The following AP1B1 variants were observed in gnomAD, a reference collection of about 807,000 sequenced individuals.
The protein encoded by AP1B1 is adaptor related protein complex 1 subunit beta 1.
Under a neutral mutation model 104.3 loss-of-function variants are expected in AP1B1, and 36 were observed. That is an observed-to-expected ratio of 0.35 (90% confidence interval 0.26 to 0.46). AP1B1 has a LOEUF of 0.46. Among genes scored for constraint, AP1B1 ranks in the 20% least tolerant of loss-of-function variants. The pLI is 1.00. For missense variants in AP1B1, 901 were observed against 1,247.9 expected, an observed-to-expected ratio of 0.72 and a Z score of 4.19; for synonymous variants, 504 against 517.5, an observed-to-expected ratio of 0.97 and a Z score of 0.35.
chr22:29,370,207 C>T (rs1209588479), intron 1 of AP1B1, among the ~76,000 whole-genome samples: 1 of 151,672 alleles, frequency 6.6e-6, no homozygotes, highest in Non-Finnish European at 1.5e-5. Context: ...AATCCTAGCA[C>T]TTTGGGAGGC....
intron 1 of AP1B1, among the ~76,000 whole-genome samples, chr22:29,378,120 A>G (rs1479892552): frequency 2.6e-5 from 4 of 151,938 alleles, no homozygotes; most frequent in Non-Finnish European, 5.9e-5. Context: ...TCAGATGTTG[A>G]ATTACAGGTT....
chr22:29,361,850 A>G (rs1489100498), intron 3 of AP1B1, among the ~76,000 whole-genome samples: 1 of 151,600 alleles, frequency 6.6e-6, no homozygotes, highest in Non-Finnish European at 1.5e-5. Context: ...GCTGGAGTGC[A>G]GTGGCGTGAT....
chr22:29,345,224 C>A (rs1167395262), intron 11 of AP1B1, among the ~76,000 whole-genome samples: 10 of 141,660 alleles, frequency 7.1e-5, no homozygotes, highest in Admixed American at 1.4e-4. Context: ...ACACCCAGTT[C>A]ATTTTTTTTT....
At chr22:29,338,661 A>G (rs746484346) in intron 16 of AP1B1, among the ~76,000 whole-genome samples, 4 of 152,160 alleles carry the variant, frequency 2.6e-5, no homozygotes, top group Non-Finnish European at 5.9e-5. Flanking sequence ...ACTGAGAACT[A>G]CTGCTCCCAC....
intron 1 of AP1B1, among the ~76,000 whole-genome samples, chr22:29,387,845 C>T (rs1209914349): frequency 6.6e-6 from 1 of 152,196 alleles, no homozygotes; most frequent in Non-Finnish European, 1.5e-5. Context: ...AAGTGCTTAG[C>T]ACAGTGCCCG....
intron 7 of AP1B1, 138 bp from the exon 8 acceptor site, chr22:29,351,963 C>G (rs1443604206): frequency 5.1e-6 from 6 of 1,175,694 alleles, no homozygotes; most frequent in Non-Finnish European, 7.1e-6. Flanking sequence ...ACTGCCATGG[C>G]TGCAAGCTCC....
At position 29,340,790 on chromosome 22, in the gene AP1B1, T is replaced by C. The variant is rs1171915271; in HGVS notation, c.1864A>G (p.Ile622Val). The change falls in exon 14 of 23, where the codon ATC (isoleucine) becomes GTC (valine). Residue 622 changes from isoleucine (I) to valine (V), a missense_variant. Ile to Val is a conservative substitution (Grantham distance 29). Transcript: ENST00000357586. ...CCCAGCAGGTCGCCCTGGGCGGGGA[T>C]GACATCTGGCTGCTCCCCAGGAGGT... ...GAPPGEQPDV[I>V]PAQGDLLGDL... 1.2e-6 allele frequency: 2 copies of C among 1,600,906 alleles called. No homozygotes were observed. Among genetic ancestry groups the C allele is most frequent in the Admixed American group, 1.7e-5 (1 of 57,464 alleles).
chr22:29,355,231 T>C (rs2061937966), intron 6 of AP1B1, among the ~76,000 whole-genome samples: 1 of 151,098 alleles, frequency 6.6e-6, no homozygotes, highest in Non-Finnish European at 1.5e-5. Context: ...AGTGAGACCC[T>C]GTCTCGAAAA....
chr22:29,352,677 C>T (rs540263522), intron 7 of AP1B1, among the ~76,000 whole-genome samples: 1 of 152,282 alleles, frequency 6.6e-6, no homozygotes, highest in South Asian at 2.1e-4. Context: ...GCCTGTCATC[C>T]CAACACTTTG....
At chr22:29,363,681 C>T (rs1005405907) in intron 2 of AP1B1, among the ~76,000 whole-genome samples, 1 of 151,300 alleles carries the variant, frequency 6.6e-6, no homozygotes, top group Non-Finnish European at 1.5e-5. Context: ...ATTACTTGAG[C>T]TCAGGAGTTT....
chr22:29,383,690 CA>C (rs35180572), intron 1 of AP1B1, among the ~76,000 whole-genome samples: 51,347 of 89,792 alleles, frequency 0.57, 11,966 homozygotes, highest in African/African-American at 0.69. Flanking sequence ...GACTCCGTCT[CA>C]AAAAAAAAAA....
chr22:29,354,607 C>T (rs187575800), intron 7 of AP1B1, 43 bp downstream of exon 7: 1 of 1,582,710 alleles, frequency 6.3e-7, no homozygotes, highest in Non-Finnish European at 8.7e-7. Flanking sequence ...AGAAGAGGCT[C>T]CCCGAGGGGT....
intron 11 of AP1B1, among the ~76,000 whole-genome samples, chr22:29,344,861 G>A (rs2061768416): frequency 6.6e-6 from 1 of 152,016 alleles, no homozygotes; most frequent in Non-Finnish European, 1.5e-5. Flanking sequence ...AGGCCTAGGA[G>A]CCAAGGATGA....
intron 8 of AP1B1, 100 bp downstream of exon 8, chr22:29,351,605 G>A (rs958491299): frequency 1.2e-5 from 18 of 1,480,554 alleles, no homozygotes; most frequent in African/African-American, 8.4e-5. Context: ...GAGATAAACC[G>A]TTAATGGTGA....
intron 1 of AP1B1, among the ~76,000 whole-genome samples, chr22:29,371,634 G>A (rs1453810217): frequency 6.6e-6 from 1 of 152,126 alleles, no homozygotes; most frequent in Admixed American, 6.5e-5. Flanking sequence ...AGGAGGCTGA[G>A]GCAGGAGAAG....
At chr22:29,359,991 AG>A (rs761642268) in intron 3 of AP1B1, 32 bp from the exon 4 acceptor site, 1 of 1,600,290 alleles carries the variant, frequency 6.2e-7, no homozygotes, top group African/African-American at 1.3e-5. Context: ...AGCATGGGAA[AG>A]GCTGAACAAA....
In AP1B1 at chr22:29,328,991, C is replaced by T. The variant is rs1054618260; in HGVS notation, c.2776-96G>A. ...GGGAAGAGAGCAGGAACCAATGGGACAGCGTGGAGTGCACACAGCCTGGCG... is the reference window on the plus strand; with the variant it reads ...GGGAAGAGAGCAGGAACCAATGGGATAGCGTGGAGTGCACACAGCCTGGCG... On this transcript the variant is annotated intron_variant, in intron 22 of 22. Transcript: ENST00000357586. The surrounding 1 kb of genome is among the most constrained non-coding windows in gnomAD (Gnocchi z 4.1). The T allele has an allele frequency of 5.9e-6, 9 of 1,531,640 alleles. No homozygotes were observed. The African/African-American group carries it at 9.5e-5, about 16-fold the overall frequency. The allele number at this position is 1,531,640 out of a possible 1,614,324, so 94.9% of individuals were successfully genotyped here.
chr22:29,334,173 C>T (rs2061603331), intron 17 of AP1B1, 92 bp downstream of exon 17: 1 of 1,366,094 alleles, frequency 7.3e-7, no homozygotes, highest in African/African-American at 1.5e-5. Context: ...TCTACAGCCC[C>T]CACCCCTGCC....
At chr22:29,372,435 AAAAAAAG>A (rs1219516596) in intron 1 of AP1B1, among the ~76,000 whole-genome samples, 1 of 151,082 alleles carries the variant, frequency 6.6e-6, no homozygotes, top group African/African-American at 2.4e-5. Context: ...AAAAAAAAAA[AAAAAAAG>A]AAAAAAGAAA....
Sources: gnomAD v4.1 joint callset for allele counts (sites outside exome capture counted in the v4.1 genomes callset) on GRCh38, gnomAD v4.1.1 for gene constraint, Gnocchi (gnomAD v3.1) non-coding constraint, MANE v1.5 for transcripts, NCBI Gene and HGNC (gene_info 2026-07-23, HGNC 2026-07-21) for gene names.